Variants in KIF21A observed in about 807,000 individuals in gnomAD.
KIF21A encodes the protein kinesin family member 21A.
Under a neutral mutation model 202.9 loss-of-function variants are expected in KIF21A, and 114 were observed. The ratio of observed to expected loss-of-function variants is 0.56; its 90% CI spans 0.48 to 0.66. The LOEUF (loss-of-function observed/expected upper bound fraction) is 0.66. KIF21A is among the 30% of genes least tolerant of loss of function. The probability of loss-of-function intolerance (pLI) is 0.00; values close to 1 mark genes in which losing one functional copy is unlikely to be tolerated. For synonymous variants in KIF21A, 667 were observed against 670.8 expected (o/e 0.99, Z 0.09); for missense variants, 1,677 against 1,994.9 (o/e 0.84, Z 3.04).
chr12:39,321,112 A>T (rs1226034388), intron 27 of KIF21A, among the ~76,000 whole-genome samples: 3 of 152,112 alleles, frequency 2.0e-5, no homozygotes, highest in African/African-American at 7.2e-5. Flanking sequence ...ATCCTGCATC[A>T]TTTAAATTAT....
At chr12:39,366,972 C>T (rs1021727310) in intron 5 of KIF21A, 58 bp downstream of exon 5, 1 of 1,458,086 alleles carries the variant, frequency 6.9e-7, no homozygotes, top group African/African-American at 1.4e-5. Context: ...TCAGAGAATT[C>T]ATGTGGTTTT....
chr12:39,301,487 C>G lies in KIF21A; in HGVS notation c.4924G>C (p.Ala1642Pro), dbSNP rs1373843147. Reference protein sequence around the residue: ...ICVNSTHIFTAADDRTVRIWK... With the variant: ...ICVNSTHIFTPADDRTVRIWK... ...TCATATAAGAAAACTTACTCAGCTGCAGTAAAAATGTGGGTGGAATTAACA... is the reference window on the plus strand; with the variant it reads ...TCATATAAGAAAACTTACTCAGCTGGAGTAAAAATGTGGGTGGAATTAACA... Residue 1642 changes from alanine (A) to proline (P), a missense_variant, in exon 37 of 38, where the codon GCA (alanine) becomes CCA (proline). By Grantham distance (27) the Ala-to-Pro change is conservative (BLOSUM62 -1). Around this residue, in one of 3 missense-constraint regions of KIF21A, gnomAD observed 705 missense variants for 791.9 expected, o/e 0.89. Coordinates refer to ENST00000361418, the MANE Select transcript of KIF21A (RefSeq NM_001173464.2). The G allele has an allele frequency of 8.7e-6, 14 of 1,613,078 alleles. No individual in the cohort carries two copies. Among genetic ancestry groups the G allele is most frequent in the Non-Finnish European group, 1.2e-5 (14 of 1,179,092 alleles).
At chr12:39,416,775 G>A in intron 1 of KIF21A, among the ~76,000 whole-genome samples, 2 of 118,208 alleles carry the variant, frequency 1.7e-5, no homozygotes, top group African/African-American at 3.4e-5. Flanking sequence ...ATATATATAT[G>A]TACATATATA....
rs199593009 is a variant in KIF21A at position 39,396,230 on chromosome 12, AAG to A, written c.45-25971_45-25970del. On this transcript the variant is annotated intron_variant, in intron 1 of 37. Transcript: ENST00000361418. The stretch of plus-strand genomic sequence containing the variant: ...AATCCTATGGTAAATTTTAAAATGT[AAG>A]AATGTACTTTAAAATGCTTTTTGGT... Among the ~76,000 whole-genome samples, 690 of 152,316 alleles carry A rather than the reference AAG, an allele frequency of 4.5e-3. 6 individuals carry two copies. Among genetic ancestry groups the A allele is most frequent in the Middle Eastern group, 0.01 (3 of 294 alleles).
At chr12:39,368,303 G>A (rs1259619482) in intron 3 of KIF21A, among the ~76,000 whole-genome samples, 1 of 152,152 alleles carries the variant, frequency 6.6e-6, no homozygotes, top group Non-Finnish European at 1.5e-5. Flanking sequence ...TCCTTTGCAA[G>A]AGATAGTCAA....
intron 1 of KIF21A, among the ~76,000 whole-genome samples, chr12:39,411,532 T>C (rs1953078446): frequency 6.6e-6 from 1 of 152,186 alleles, no homozygotes; most frequent in Non-Finnish European, 1.5e-5. Flanking sequence ...TACATTTATT[T>C]TTTATTCTTT....
In KIF21A at chr12:39,367,142, C is replaced by T; in HGVS notation, c.623G>A (p.Gly208Asp). 6.2e-7 allele frequency: 1 copy of T among 1,613,908 alleles called. No individual in the cohort carries two copies. The highest frequency in any genetic ancestry group is 8.5e-7 in the Non-Finnish European group (1 of 1,179,898). The change falls in exon 5 of 38, where the codon GGT becomes GAT. Residue 208 changes from glycine to aspartate, a missense_variant. By Grantham distance (94) the Gly-to-Asp change is moderately conservative. Coordinates refer to ENST00000361418, the MANE Select transcript of KIF21A (RefSeq NM_001173464.2). ...ESEMMQCLKL[G>D]ALSRTTASTQ... ...ACTGGCAGTTGTCCGGGATAAAGCA[C>T]CCAACTTCAAACACTGCATCATCTG...
At chr12:39,337,315 A>C in intron 16 of KIF21A, 112 bp from the exon 17 acceptor site, 1 of 740,006 alleles carries the variant, frequency 1.4e-6, no homozygotes, top group Non-Finnish European at 2.4e-6. Context: ...ACATGGAAAC[A>C]TGCAGTTTTG....
chr12:39,421,051 C>T (rs372530726), intron 1 of KIF21A, among the ~76,000 whole-genome samples: 139 of 152,316 alleles, frequency 9.1e-4, no homozygotes, highest in African/African-American at 3.1e-3. Context: ...TAGTCAATGA[C>T]TGACCGCATA....
intron 1 of KIF21A, among the ~76,000 whole-genome samples, chr12:39,413,513 A>T (rs1953285424): frequency 6.6e-6 from 1 of 152,262 alleles, no homozygotes; most frequent in Admixed American, 6.5e-5. Flanking sequence ...TTATTCTAAA[A>T]GAACAAAATT....
chr12:39,435,466 A>G (rs916240964), intron 1 of KIF21A, among the ~76,000 whole-genome samples: 5 of 152,154 alleles, frequency 3.3e-5, no homozygotes, highest in Non-Finnish European at 7.4e-5. Flanking sequence ...CTTTGTGTAG[A>G]TGTGGGATTT....
chr12:39,342,137 A>G lies in KIF21A; in HGVS notation c.1713-13T>C. The stretch of plus-strand genomic sequence containing the variant: ...TTTACCAGCCACACTAAAAAAAGGA[A>G]CATAAGGGTATGGTGTTAAAATAGA... On this transcript the variant is annotated splice_polypyrimidine_tract_variant and intron_variant, in intron 12 of 37. Transcript: ENST00000361418. 6.5e-7 allele frequency: 1 copy of G among 1,539,476 alleles called. No individual in the cohort carries two copies. The highest frequency in any genetic ancestry group is 9.0e-7 in the Non-Finnish European group (1 of 1,112,512).
At chr12:39,423,906 C>T (rs1191579494) in intron 1 of KIF21A, among the ~76,000 whole-genome samples, 1 of 147,394 alleles carries the variant, frequency 6.8e-6, no homozygotes, top group African/African-American at 2.5e-5. Flanking sequence ...ATCACTTGAA[C>T]CTGGGAGGCG....
rs1299157089 is a variant in KIF21A, at chr12:39,366,343, A to G, written c.903+7T>C. On this transcript the variant is annotated splice_region_variant and intron_variant, in intron 6 of 37. Coordinates refer to ENST00000361418, the MANE Select transcript of KIF21A (RefSeq NM_001173464.2). The stretch of plus-strand genomic sequence containing the variant: ...GATATATTCTCAGCACAAAGCCTTA[A>G]TCTTACAAGTCCACAGTTGATAGAA... The G allele has an allele frequency of 6.2e-7, 1 of 1,612,704 alleles. No homozygotes were observed. The highest frequency in any genetic ancestry group is 1.3e-5 in the African/African-American group (1 of 75,000).
At chr12:39,320,261 A>G (rs956529251) in intron 27 of KIF21A, among the ~76,000 whole-genome samples, 2 of 152,206 alleles carry the variant, frequency 1.3e-5, no homozygotes. Context: ...ATCTTTGAAT[A>G]TAAATATCAG....
intron 1 of KIF21A, among the ~76,000 whole-genome samples, chr12:39,389,662 A>G (rs547242507): frequency 6.6e-6 from 1 of 152,314 alleles, no homozygotes; most frequent in East Asian, 1.9e-4. Flanking sequence ...AGCCATGCCA[A>G]GATTTTGGGA....
Position 39,311,560 on chromosome 12 carries a change from T to A in KIF21A, c.3960-7A>T, listed in dbSNP as rs772438091. ...AAATGGGTTGATTATGCCCCTAAGGTGGGGAAAAAACAAACAAACCAAGAC... is the reference window on the plus strand; with the variant it reads ...AAATGGGTTGATTATGCCCCTAAGGAGGGGAAAAAACAAACAAACCAAGAC... On this transcript the variant is annotated splice_polypyrimidine_tract_variant and splice_region_variant and intron_variant, in intron 31 of 37. Transcript: ENST00000361418. 6.2e-7 allele frequency: 1 copy of A among 1,612,488 alleles called. No homozygotes were observed. Among genetic ancestry groups the A allele is most frequent in the Admixed American group, 1.7e-5 (1 of 59,940 alleles).
At chr12:39,308,296 G>A (rs552656584) in intron 33 of KIF21A, among the ~76,000 whole-genome samples, 66 of 151,786 alleles carry the variant, frequency 4.3e-4, no homozygotes, top group South Asian at 1.7e-3. Context: ...GCTGAGGCAG[G>A]AGAATCACTT....
In KIF21A at chr12:39,332,824, T is replaced by G. The variant is rs80069166; in HGVS notation, c.2702+69A>C. 3.2e-3 allele frequency: 5,208 copies of G among 1,605,260 alleles called. 135 individuals are homozygous for G. The African/African-American group carries it at 0.058, about 18-fold the overall frequency. On this transcript the variant is annotated intron_variant, in intron 19 of 37. Transcript: ENST00000361418. Reference sequence around the variant, plus strand: ...CACTGCCAAATAATGAGCCATTTTTTCATTTAAGTACAACATTCAGTATTA... The same window carrying G: ...CACTGCCAAATAATGAGCCATTTTTGCATTTAAGTACAACATTCAGTATTA...
Sources: allele counts gnomAD v4.1 joint callset (sites outside exome capture counted in the v4.1 genomes callset), GRCh38; gene constraint gnomAD v4.1.1; regional missense constraint gnomAD v4.1.1; transcripts MANE v1.5; gene names NCBI Gene and HGNC (gene_info 2026-07-23, HGNC 2026-07-21).